TAF3: variants seen among roughly 807,000 people sequenced by gnomAD.
The protein encoded by TAF3 is TATA-box binding protein associated factor 3.
TAF3 carries 7 observed loss-of-function variants against 80.6 expected under a neutral mutation model. The ratio of observed to expected loss-of-function variants is 0.09; its 90% CI spans 0.05 to 0.16. TAF3 has a LOEUF of 0.16. TAF3 is among the 10% of genes least tolerant of loss of function. TAF3 has a pLI of 1.00. For missense variants in TAF3, 921 were observed against 1,140.2 expected (o/e 0.81, Z 2.77); for synonymous variants, 444 against 446.1 (o/e 1.00, Z 0.06).
intron 2 of TAF3, among the ~76,000 whole-genome samples, chr10:7,826,900 G>A (rs1029845736): frequency 6.6e-5 from 10 of 152,122 alleles, no homozygotes; most frequent in Admixed American, 2.0e-4. Context: ...ATTCTGATTA[G>A]TGGTGCAAAG....
At chr10:8,008,832 T>C (rs1031118748) in intron 4 of TAF3, among the ~76,000 whole-genome samples, 2 of 152,114 alleles carry the variant, frequency 1.3e-5, no homozygotes, top group African/African-American at 4.8e-5. Flanking sequence ...ACAATGCATG[T>C]GTATTGGTTG....
intron 2 of TAF3, among the ~76,000 whole-genome samples, chr10:7,859,315 TAAAA>T (rs1303823077): frequency 1.7e-4 from 23 of 133,532 alleles, no homozygotes; most frequent in African/African-American, 5.3e-4. Context: ...AATAAATAAA[TAAAA>T]GAGAAGTGTG....
chr10:7,880,445 T>G (rs1837350191), intron 2 of TAF3, among the ~76,000 whole-genome samples: 2 of 152,170 alleles, frequency 1.3e-5, no homozygotes, highest in Admixed American at 1.3e-4. Flanking sequence ...ATAAGAAATA[T>G]GCAGCTATCC....
chr10:7,969,887 C>A (rs1036876849), intron 3 of TAF3, among the ~76,000 whole-genome samples: 2 of 152,204 alleles, frequency 1.3e-5, no homozygotes, highest in African/African-American at 4.8e-5. Flanking sequence ...TCCTCGCAGA[C>A]CCTCTGCTTC....
chr10:7,892,346 A>T (rs1321746314), intron 2 of TAF3, among the ~76,000 whole-genome samples: 3 of 152,210 alleles, frequency 2.0e-5, no homozygotes, highest in Non-Finnish European at 4.4e-5. Context: ...TTTCAGCTTC[A>T]TGGAATGTAT....
At chr10:7,917,745 G>A (rs986898873) in intron 2 of TAF3, among the ~76,000 whole-genome samples, 10 of 152,316 alleles carry the variant, frequency 6.6e-5, no homozygotes, top group South Asian at 4.1e-4. Flanking sequence ...TACGGGGTGC[G>A]AGGAGAAGAG....
At chr10:7,904,169 C>T (rs1232749708) in intron 2 of TAF3, among the ~76,000 whole-genome samples, 3 of 152,134 alleles carry the variant, frequency 2.0e-5, no homozygotes, top group Non-Finnish European at 4.4e-5. Flanking sequence ...TTCAGTCTCG[C>T]ATAGTGGGGT....
chr10:7,888,491 A>C (rs1317086474), intron 2 of TAF3, among the ~76,000 whole-genome samples: 3 of 146,658 alleles, frequency 2.0e-5, no homozygotes, highest in Non-Finnish European at 4.6e-5. Flanking sequence ...AGGTCGTATC[A>C]CAGGCATGAG....
At chr10:7,826,595 A>G (rs760605827) in intron 2 of TAF3, among the ~76,000 whole-genome samples, 3 of 152,226 alleles carry the variant, frequency 2.0e-5, no homozygotes, top group Non-Finnish European at 4.4e-5. Context: ...AACATTTTAA[A>G]AGGAAAATAA....
rs35755700 is a variant in TAF3 at position 7,975,070 on chromosome 10, C to CAA, written c.2233-2150_2233-2149dup. ...CTGGCAACAGAACAAGACTCTGTCT[C>CAA]AAAAAAAAAAAAAAAAAAAAAAGAG... is the stretch of plus-strand genomic sequence containing the variant. On this transcript the variant is annotated intron_variant, in intron 3 of 6. Coordinates refer to ENST00000344293, the MANE Select transcript of TAF3 (RefSeq NM_031923.4). The CAA allele has an allele frequency of 7.8e-3, 1,370 of 175,092 alleles. 10 individuals are homozygous for CAA. Among genetic ancestry groups the CAA allele is most frequent in the African/African-American group, 0.022 (520 of 23,388 alleles). The allele number at this position is 175,092 out of a possible 1,614,324, so 10.8% of individuals were successfully genotyped here.
intron 2 of TAF3, among the ~76,000 whole-genome samples, chr10:7,923,414 G>C (rs961210019): frequency 6.6e-5 from 10 of 151,880 alleles, no homozygotes; most frequent in Non-Finnish European, 1.2e-4. Context: ...CTTTGGGGTG[G>C]GGTGGAACTT....
At chr10:7,823,635 T>G (rs886541632) in intron 1 of TAF3, among the ~76,000 whole-genome samples, 3 of 30,078 alleles carry the variant, frequency 1.0e-4, no homozygotes, top group African/African-American at 3.5e-4. Context: ...ATGCCATCTC[T>G]TTTTTTTTTT....
At chr10:7,945,420 AC>A (rs1399085008) in intron 2 of TAF3, among the ~76,000 whole-genome samples, 1 of 151,996 alleles carries the variant, frequency 6.6e-6, no homozygotes, top group Admixed American at 6.5e-5. Flanking sequence ...TGTTTGACTT[AC>A]CTAATTTATC....
intron 2 of TAF3, among the ~76,000 whole-genome samples, chr10:7,850,512 C>G (rs1490273017): frequency 6.6e-6 from 1 of 151,946 alleles, no homozygotes; most frequent in Non-Finnish European, 1.5e-5. Context: ...CCTGTCTTTA[C>G]TAAAAATACA....
At chr10:7,965,786 G>A (rs1043069021) in intron 3 of TAF3, 44 bp downstream of exon 3, 1 of 1,454,442 alleles carries the variant, frequency 6.9e-7, no homozygotes, top group African/African-American at 1.4e-5. Context: ...CAGAGTCCTA[G>A]TGAGAAACAC....
intron 4 of TAF3, among the ~76,000 whole-genome samples, chr10:7,979,812 G>A (rs992195100): frequency 4.6e-5 from 7 of 151,764 alleles, no homozygotes; most frequent in Admixed American, 3.3e-4. Flanking sequence ...TGCTTTTTGT[G>A]GGGTGGGGTG....
chr10:7,915,511 T>C (rs7905267), intron 2 of TAF3, among the ~76,000 whole-genome samples: 84,784 of 149,530 alleles, frequency 0.57, 25,527 homozygotes, highest in East Asian at 0.71. Flanking sequence ...GGCATGGTGG[T>C]GCGCGCCCGT....
chr10:7,968,206 G>A (rs1831590946), intron 3 of TAF3, among the ~76,000 whole-genome samples: 1 of 152,156 alleles, frequency 6.6e-6, no homozygotes, highest in Admixed American at 6.5e-5. Flanking sequence ...ACTAAAGTGA[G>A]ACAAGCTGCC....
At chr10:7,869,941 T>G (rs1293749522) in intron 2 of TAF3, among the ~76,000 whole-genome samples, 3 of 152,234 alleles carry the variant, frequency 2.0e-5, no homozygotes, top group Non-Finnish European at 4.4e-5. Flanking sequence ...CCCCTGGGTT[T>G]TGGTTGGCCC....
Sources: allele counts gnomAD v4.1 joint callset (sites outside exome capture counted in the v4.1 genomes callset), GRCh38; gene constraint gnomAD v4.1.1; transcripts MANE v1.5; gene names NCBI Gene and HGNC (gene_info 2026-07-23, HGNC 2026-07-21).